MEGF11: variants seen among roughly 807,000 people sequenced by gnomAD.
MEGF11 encodes the protein multiple EGF like domains 11.
A neutral mutation model predicts 146.6 loss-of-function variants in MEGF11; 126 were observed. The ratio of observed to expected loss-of-function variants is 0.86; its 90% CI spans 0.74 to 1.00. The LOEUF (loss-of-function observed/expected upper bound fraction) is 1.00. MEGF11 is among the 50% of genes least tolerant of loss of function. The pLI is 0.00. For synonymous variants in MEGF11, 532 were observed against 583.4 expected, an observed-to-expected ratio of 0.91 and a Z score of 1.27; for missense variants, 1,509 against 1,521.2, an observed-to-expected ratio of 0.99 and a Z score of 0.13.
intron 1 of MEGF11, among the ~76,000 whole-genome samples, chr15:66,133,976 C>T (rs2140982106): frequency 6.6e-6 from 1 of 152,174 alleles, no homozygotes; most frequent in East Asian, 1.9e-4. Flanking sequence ...CCTCCAAGTC[C>T]CTGCTCCACC....
At chr15:66,153,869 C>T (rs1370454135) in intron 1 of MEGF11, among the ~76,000 whole-genome samples, 2 of 152,178 alleles carry the variant, frequency 1.3e-5, no homozygotes, top group African/African-American at 4.8e-5. Context: ...GACAGGGTCA[C>T]ACGGGCTCGT....
At chr15:66,125,950 G>C (rs1040160025) in intron 2 of MEGF11, among the ~76,000 whole-genome samples, 11 of 152,178 alleles carry the variant, frequency 7.2e-5, no homozygotes, top group African/African-American at 2.4e-4. Context: ...TGGGCCGAAC[G>C]AGTCTGGCAA....
At chr15:66,041,596 G>A (rs1012185079) in intron 5 of MEGF11, among the ~76,000 whole-genome samples, 7 of 152,246 alleles carry the variant, frequency 4.6e-5, no homozygotes, top group African/African-American at 1.7e-4. Flanking sequence ...AAGGCTTTAT[G>A]AATCACAGCA....
chr15:66,056,039 C>G (rs6494543), intron 5 of MEGF11, among the ~76,000 whole-genome samples: 11,096 of 152,078 alleles, frequency 0.073, 871 homozygotes, highest in African/African-American at 0.19. Context: ...AGCAGCAGCA[C>G]CATATGTGAG....
chr15:66,070,448 G>T (rs1420806749), intron 5 of MEGF11, among the ~76,000 whole-genome samples: 1 of 152,218 alleles, frequency 6.6e-6, no homozygotes, highest in African/African-American at 2.4e-5. Flanking sequence ...GACCAGTTTG[G>T]CAGGAAAGGA....
In MEGF11 at chr15:65,922,381, G is replaced by A; in HGVS notation, c.1914C>T (p.Ile638=). The part of the protein sequence containing the change: ...SSRPCHHISG[I]CECLPGFSGA... Reference sequence around the variant, plus strand: ...CAGAGAATCCTGGGAGGCACTCACAGATGCCGCTGATGTGGTGGCAGGGCC... The same window carrying A: ...CAGAGAATCCTGGGAGGCACTCACAAATGCCGCTGATGTGGTGGCAGGGCC... Residue 638 remains isoleucine, a synonymous_variant, in exon 15 of 26, where the codon ATC becomes ATT. Coordinates refer to ENST00000395614, the MANE Select transcript of MEGF11 (RefSeq NM_001385028.1). 1 of 1,602,442 alleles carries A rather than the reference G, an allele frequency of 6.2e-7. No individual in the cohort carries two copies. The highest frequency in any genetic ancestry group is 8.5e-7 in the Non-Finnish European group (1 of 1,174,762).
chr15:66,206,628 G>A (rs890425018), intron 1 of MEGF11, among the ~76,000 whole-genome samples: 11 of 152,234 alleles, frequency 7.2e-5, no homozygotes, highest in East Asian at 1.9e-4. Flanking sequence ...GAGGCCAGGC[G>A]TGGTGGCTCA....
At chr15:66,226,159 G>A (rs1469747242) in intron 1 of MEGF11, among the ~76,000 whole-genome samples, 1 of 152,078 alleles carries the variant, frequency 6.6e-6, no homozygotes, top group Non-Finnish European at 1.5e-5. Flanking sequence ...CGCTGTAGAC[G>A]CCCCCTGCCC....
At chr15:66,054,976 G>A (rs1392791946) in intron 5 of MEGF11, among the ~76,000 whole-genome samples, 2 of 152,220 alleles carry the variant, frequency 1.3e-5, no homozygotes, top group Non-Finnish European at 2.9e-5. Flanking sequence ...CTAGAAGCCG[G>A]CAGTAAATTA....
intron 1 of MEGF11, among the ~76,000 whole-genome samples, chr15:66,177,341 T>C (rs192979560): frequency 6.9e-4 from 105 of 152,318 alleles, no homozygotes; most frequent in Non-Finnish European, 8.7e-4. Context: ...TTACCATAAG[T>C]CAAGCCTATA....
intron 1 of MEGF11, among the ~76,000 whole-genome samples, chr15:66,150,107 G>A (rs896064799): frequency 2.0e-5 from 3 of 152,204 alleles, no homozygotes; most frequent in African/African-American, 7.2e-5. Context: ...ATCCCAGCCG[G>A]CTCCCCCTTT....
At chr15:66,195,142 T>C (rs1169584072) in intron 1 of MEGF11, among the ~76,000 whole-genome samples, 1 of 152,202 alleles carries the variant, frequency 6.6e-6, no homozygotes, top group Non-Finnish European at 1.5e-5. Flanking sequence ...TCCCATCTCC[T>C]CTCTATGTCT....
chr15:65,926,105 GC>G (rs1241357652), intron 13 of MEGF11, among the ~76,000 whole-genome samples: 2 of 152,190 alleles, frequency 1.3e-5, no homozygotes, highest in African/African-American at 2.4e-5. Context: ...AGAAACTGTT[GC>G]TTTTTACCAT....
intron 1 of MEGF11, among the ~76,000 whole-genome samples, chr15:66,160,706 C>CACACACACACA (rs1567268108): frequency 6.9e-6 from 1 of 145,088 alleles, no homozygotes; most frequent in South Asian, 2.1e-4. Context: ...CACACACACA[C>CACACACACACA]CCTTGCCCTA....
intron 5 of MEGF11, among the ~76,000 whole-genome samples, chr15:65,997,595 A>G (rs577982687): frequency 2.0e-5 from 3 of 152,242 alleles, no homozygotes; most frequent in Admixed American, 2.0e-4. Flanking sequence ...TGTAACCACT[A>G]TATTGCCTAC....
chr15:66,206,050 A>T (rs1158453487), intron 1 of MEGF11, among the ~76,000 whole-genome samples: 1 of 152,256 alleles, frequency 6.6e-6, no homozygotes, highest in African/African-American at 2.4e-5. Context: ...GCACTTATGA[A>T]CATGCTTGAA....
At chr15:66,229,744 G>T (rs1308125607) in intron 1 of MEGF11, among the ~76,000 whole-genome samples, 1 of 83,622 alleles carries the variant, frequency 1.2e-5, no homozygotes, top group Admixed American at 1.3e-4. Flanking sequence ...CCAGACAACA[G>T]AGAGAGCTGG....
chr15:66,144,210 G>A (rs1272173811), intron 1 of MEGF11, among the ~76,000 whole-genome samples: 2 of 152,086 alleles, frequency 1.3e-5, no homozygotes, highest in Admixed American at 1.3e-4. Flanking sequence ...CCCAGCCAAC[G>A]AGGTGGGAGG....
At chr15:66,241,512 CG>C (rs1459943582) in intron 1 of MEGF11, among the ~76,000 whole-genome samples, 11 of 152,208 alleles carry the variant, frequency 7.2e-5, no homozygotes, top group African/African-American at 2.7e-4. Context: ...CCTGCCACCT[CG>C]GAAGCATTCT....
Sources: allele counts gnomAD v4.1 joint callset (sites outside exome capture counted in the v4.1 genomes callset), GRCh38; gene constraint gnomAD v4.1.1; transcripts MANE v1.5; gene names NCBI Gene and HGNC (gene_info 2026-07-23, HGNC 2026-07-21).